The following PROM2 variants were observed in gnomAD, a reference collection of about 807,000 sequenced individuals.
PROM2 encodes prominin-2.
Under a neutral mutation model 110.2 loss-of-function variants are expected in PROM2, and 90 were observed. The ratio of observed to expected loss-of-function variants is 0.82; its 90% CI spans 0.69 to 0.97. PROM2 has a LOEUF of 0.97. Among genes scored for constraint, PROM2 ranks in the 50% least tolerant of loss-of-function variants. The pLI is 0.00. For synonymous variants in PROM2, 470 were observed against 467.8 expected (o/e 1.00, Z -0.06); for missense variants, 1,009 against 1,074.8 (o/e 0.94, Z 0.86).
At position 95,281,676 on chromosome 2, in the gene PROM2, A is replaced by T. The variant is rs1428375452; in HGVS notation, c.1552-249A>T. Among the ~76,000 whole-genome samples the T allele has an allele frequency of 1.6e-4, 25 of 152,222 alleles. 1 individual carries two copies. Among genetic ancestry groups the T allele is most frequent in the African/African-American group, 5.8e-4 (24 of 41,536 alleles). On this transcript the variant is annotated intron_variant, in intron 12 of 23. Transcript: ENST00000317620. ...GGACCCTGGTGCCCGGTGAGCTGCGATGCTGGACTGGGTTCTCTGCAGAAG... is the reference window on the plus strand; with the variant it reads ...GGACCCTGGTGCCCGGTGAGCTGCGTTGCTGGACTGGGTTCTCTGCAGAAG...
chr2:95,282,339 T>C (rs1270193419), intron 14 of PROM2, 113 bp downstream of exon 14: 7 of 905,952 alleles, frequency 7.7e-6, no homozygotes, highest in Non-Finnish European at 1.2e-5. Context: ...GAGAAGTCTG[T>C]GTGAGCGATT....
In PROM2 at chr2:95,281,293, C is replaced by T. The variant is rs537874801; in HGVS notation, c.1479C>T (p.Phe493=). 127 of 1,613,332 alleles carry T rather than the reference C, an allele frequency of 7.9e-5. 1 individual carries two copies. In the South Asian group the frequency reaches 1.2e-3, roughly 15 times the overall value. ...CTGCACCCCTCATCCTCCTGGTGTT[C>T]GCCACCTTCCTGGTGGGTGGCAACG... ...LFAAPLILLV[F]ATFLVGGNVQ... is the part of the protein sequence containing the mutation. The change falls in exon 12 of 24, where the codon TTC becomes TTT. Residue 493 remains phenylalanine (F), a synonymous_variant. Transcript: ENST00000317620.
chr2:95,275,605 C>A lies in PROM2; in HGVS notation c.294+95C>A, dbSNP rs969756302. 1.2e-5 allele frequency: 18 copies of A among 1,489,192 alleles called. No individual in the cohort carries two copies. The African/African-American group carries it at 2.3e-4, about 19-fold the overall frequency. 92.2% of individuals were successfully genotyped at this position (1,489,192 alleles called of 1,614,324 possible). On this transcript the variant is annotated intron_variant, in intron 2 of 23. Coordinates refer to ENST00000317620, the MANE Select transcript of PROM2 (RefSeq NM_001165978.3). The surrounding 1 kb of genome is among the most constrained non-coding windows in gnomAD (Gnocchi z 4.4). Reference sequence around the variant, plus strand: ...CCTTGGCTCCCCTTAGCCCACCTCGCTGGGTGTCCACTAGGCAGGGGCTCA... The same window carrying A: ...CCTTGGCTCCCCTTAGCCCACCTCGATGGGTGTCCACTAGGCAGGGGCTCA...
At position 95,276,127 on chromosome 2, in the gene PROM2, G is replaced by A. The variant is rs779227090; in HGVS notation, c.492G>A (p.Leu164=). 32 of 1,611,890 alleles carry A rather than the reference G, an allele frequency of 2.0e-5. No homozygotes were observed. The highest frequency in any genetic ancestry group is 2.5e-5 in the Non-Finnish European group (30 of 1,179,508). Residue 164 remains leucine, a synonymous_variant, in exon 3 of 24, where the codon TTG becomes TTA. Coordinates refer to ENST00000317620, the MANE Select transcript of PROM2 (RefSeq NM_001165978.3). The surrounding 1 kb of genome is among the most constrained non-coding windows in gnomAD (Gnocchi z 4.6). ...LMVFLLLTTL[L]LLIGVVCAFV... is the part of the protein sequence containing the mutation. ...TCTTCCTGCTGCTGACCACCCTCTT[G>A]CTGCTGTAAGGCGCTGCCCAGGGCC...
Position 95,276,758 on chromosome 2 carries a change from G to C in PROM2, c.682+101G>C. ...CACTCCCTCATTCTGGACACCCCCG[G>C]GAACAGGCTGGTAGAGGTGGGGATC... On this transcript the variant is annotated intron_variant, in intron 5 of 23. Transcript: ENST00000317620. The surrounding 1 kb of genome is among the most constrained non-coding windows in gnomAD (Gnocchi z 4.6). 7.4e-7 allele frequency: 1 copy of C among 1,343,494 alleles called. No homozygotes were observed. The highest frequency in any genetic ancestry group is 1.9e-5 in the Admixed American group (1 of 53,690). The allele number at this position is 1,343,494 out of a possible 1,614,324, so 83.2% of individuals were successfully genotyped here. A position where few individuals can be genotyped will look rare whatever the true frequency, so the allele number is the denominator to read the frequency against.
intron 21 of PROM2, 22 bp from the exon 22 acceptor site, chr2:95,288,461 C>G: frequency 6.2e-7 from 1 of 1,610,022 alleles, no homozygotes; most frequent in Non-Finnish European, 8.5e-7. Context: ...GGTTGGTGAG[C>G]CGACCTCACG....
At position 95,282,142 on chromosome 2, in the gene PROM2, G is replaced by C. The variant is rs773248131; in HGVS notation, c.1644G>C (p.Gln548His). The C allele has an allele frequency of 5.0e-6, 8 of 1,613,850 alleles. No individual in the cohort carries two copies. Among genetic ancestry groups the C allele is most frequent in the Non-Finnish European group, 6.8e-6 (8 of 1,179,880 alleles). ...GTCTGCACCCCTCACTCCTCCTCAG[G>C]CAGTGCAAGGAAGGGGCAGCGCTCT... ...RKNISIHQAY[Q>H]QCKEGAALWT... The change falls in exon 14 of 24, where the codon CAG becomes CAC. Residue 548 changes from glutamine to histidine, a missense_variant and splice_region_variant. Coordinates refer to ENST00000317620, the MANE Select transcript of PROM2 (RefSeq NM_001165978.3).
At chr2:95,289,065 G>GGGTT in intron 23 of PROM2, 59 bp downstream of exon 23, 1 of 1,362,498 alleles carries the variant, frequency 7.3e-7, no homozygotes. Flanking sequence ...AGTGGGGTGG[G>GGGTT]GAGGGGCTGG....
chr2:95,277,766 C>T lies in PROM2; in HGVS notation c.976-164C>T, dbSNP rs993125982. Reference sequence around the variant, plus strand: ...TACGTGAACTTCATGTGTGTGAGCTCCTTGAGTTCTTGCTGCCACCAGGGG... The same window carrying T: ...TACGTGAACTTCATGTGTGTGAGCTTCTTGAGTTCTTGCTGCCACCAGGGG... On this transcript the variant is annotated intron_variant, in intron 7 of 23. Coordinates refer to ENST00000317620, the MANE Select transcript of PROM2 (RefSeq NM_001165978.3). 3.9e-6 allele frequency: 3 copies of T among 767,026 alleles called. No individual in the cohort carries two copies. The African/African-American group carries it at 5.3e-5, about 13-fold the overall frequency. 47.5% of individuals were successfully genotyped at this position (767,026 alleles called of 1,614,324 possible).
chr2:95,285,044 G>T lies in PROM2; in HGVS notation c.1804G>T (p.Ala602Ser), dbSNP rs761124698. Residue 602 changes from alanine to serine, a missense_variant, in exon 15 of 24, where the codon GCC (alanine) becomes TCC (serine). Physicochemically the swap from Ala to Ser is moderately conservative, Grantham distance 99 (BLOSUM62 1). Coordinates refer to ENST00000317620, the MANE Select transcript of PROM2 (RefSeq NM_001165978.3). ...GAGCCTGGACCTGCTGAGCTCAGCC[G>T]CCCGCCGGGACCTGGAGGCCCTGCA... ...TQSLDLLSSA[A>S]RRDLEALQSS... 4 of 1,595,630 alleles carry T rather than the reference G, an allele frequency of 2.5e-6. No individual in the cohort carries two copies. Among genetic ancestry groups the T allele is most frequent in the Admixed American group, 3.5e-5 (2 of 57,648 alleles).
At chr2:95,288,909 C>A in intron 22 of PROM2, 24 bp from the exon 23 acceptor site, 1 of 1,610,712 alleles carries the variant, frequency 6.2e-7, no homozygotes, top group Non-Finnish European at 8.5e-7. Flanking sequence ...AGGGTATGCT[C>A]ACTCTCTGTC....
rs111970007 is a variant in PROM2, at chr2:95,289,470, C to T, written c.*257C>T. ...CCAGCAAGTCCCTCCAGGTGTCACC[C>T]CTTACCCCCATGCTGGTGGCATCCT... On this transcript the variant is annotated 3_prime_UTR_variant, in exon 24 of 24. Coordinates refer to ENST00000317620, the MANE Select transcript of PROM2 (RefSeq NM_001165978.3). The T allele has an allele frequency of 0.013, 2,192 of 168,102 alleles. 20 individuals are homozygous for T. Among genetic ancestry groups the T allele is most frequent in the Non-Finnish European group, 0.021 (1,660 of 78,090 alleles). The allele number at this position is 168,102 out of a possible 1,614,324, so 10.4% of individuals were successfully genotyped here.
chr2:95,288,864 T>C (rs1213496506), intron 22 of PROM2, 69 bp from the exon 23 acceptor site: 2 of 1,481,044 alleles, frequency 1.4e-6, no homozygotes, highest in African/African-American at 2.8e-5. Context: ...GGGCTCTGGG[T>C]TTGTCCCTGT....
rs1676645404 is a variant in PROM2 at position 95,276,149 on chromosome 2, G to A, written c.497+17G>A. ...CTTGCTGCTGTAAGGCGCTGCCCAGGGCCCGGGTAGGGCGGGCTGTGGCCC... is the reference window on the plus strand; with the variant it reads ...CTTGCTGCTGTAAGGCGCTGCCCAGAGCCCGGGTAGGGCGGGCTGTGGCCC... On this transcript the variant is annotated intron_variant, in intron 3 of 23. Transcript: ENST00000317620. This position sits in a 1 kb window ranked among gnomAD's most constrained non-coding sequence, Gnocchi z 4.6. 1 of 1,612,012 alleles carries A rather than the reference G, an allele frequency of 6.2e-7. No individual in the cohort carries two copies. The highest frequency in any genetic ancestry group is 8.5e-7 in the Non-Finnish European group (1 of 1,179,038).
At chr2:95,285,322 C>T (rs2104135368) in intron 15 of PROM2, among the ~76,000 whole-genome samples, 1 of 152,300 alleles carries the variant, frequency 6.6e-6, no homozygotes, top group Non-Finnish European at 1.5e-5. Context: ...AATGGACAAC[C>T]TCTCCCCCAA....
chr2:95,289,408 G>T lies in PROM2; in HGVS notation c.*195G>T, dbSNP rs868826947. On this transcript the variant is annotated 3_prime_UTR_variant, in exon 24 of 24. Coordinates refer to ENST00000317620, the MANE Select transcript of PROM2 (RefSeq NM_001165978.3). Reference sequence around the variant, plus strand: ...TCTGCTCACGACCCCCATCATTCACGCTCAGAATCACATGGGACTTCTGTG... The same window carrying T: ...TCTGCTCACGACCCCCATCATTCACTCTCAGAATCACATGGGACTTCTGTG... The T allele has an allele frequency of 5.8e-5, 13 of 223,494 alleles. No individual in the cohort carries two copies. The highest frequency in any genetic ancestry group is 1.7e-3 in the Middle Eastern group (1 of 574). 13.8% of individuals were successfully genotyped at this position (223,494 alleles called of 1,614,324 possible).
chr2:95,282,863 G>A (rs1454655658), intron 14 of PROM2, among the ~76,000 whole-genome samples: 1 of 152,236 alleles, frequency 6.6e-6, no homozygotes, highest in East Asian at 1.9e-4. Flanking sequence ...TTCACTCCTC[G>A]ACTTCCACGC....
At position 95,281,236 on chromosome 2, in the gene PROM2, C is replaced by A. The variant is rs754943994; in HGVS notation, c.1428-6C>A. The stretch of plus-strand genomic sequence containing the variant: ...GTCCCTCAGTCCTGCCTCTCGCCTA[C>A]CCCAGAGGTGTGGGCCTCAGCTTCC... On this transcript the variant is annotated splice_polypyrimidine_tract_variant and splice_region_variant and intron_variant, in intron 11 of 23. Coordinates refer to ENST00000317620, the MANE Select transcript of PROM2 (RefSeq NM_001165978.3). 6 of 1,611,988 alleles carry A rather than the reference C, an allele frequency of 3.7e-6. No individual in the cohort carries two copies. Among genetic ancestry groups the A allele is most frequent in the Non-Finnish European group, 3.4e-6 (4 of 1,179,880 alleles).
In PROM2 at chr2:95,275,812, A is replaced by T; in HGVS notation, c.295-118A>T. The T allele has an allele frequency of 6.6e-7, 1 of 1,513,392 alleles. No homozygotes were observed. Among genetic ancestry groups the T allele is most frequent in the Non-Finnish European group, 8.8e-7 (1 of 1,134,344 alleles). 93.7% of individuals were successfully genotyped at this position (1,513,392 alleles called of 1,614,324 possible). Reference sequence around the variant, plus strand: ...TCACCTCTGGGACGGGTTCCATGAGATGCAGGCCATGCCCCTGACGGCACT... The same window carrying T: ...TCACCTCTGGGACGGGTTCCATGAGTTGCAGGCCATGCCCCTGACGGCACT... On this transcript the variant is annotated intron_variant, in intron 2 of 23. Transcript: ENST00000317620. This position sits in a 1 kb window ranked among gnomAD's most constrained non-coding sequence, Gnocchi z 4.4.
Sources: gnomAD v4.1 joint callset for allele counts (sites outside exome capture counted in the v4.1 genomes callset) on GRCh38, gnomAD v4.1.1 for gene constraint, Gnocchi (gnomAD v3.1) non-coding constraint, MANE v1.5 for transcripts, NCBI Gene and HGNC (gene_info 2026-07-23, HGNC 2026-07-21) for gene names.